Variants in DUXA observed in about 807,000 individuals in gnomAD.
DUXA encodes the protein double homeobox protein A.
A neutral mutation model predicts 27.5 loss-of-function variants in DUXA; 25 were observed. The ratio of observed to expected loss-of-function variants is 0.91; its 90% CI spans 0.66 to 1.27. The LOEUF is 1.27. Ranked by LOEUF, DUXA falls within the 50% of genes most tolerant of loss-of-function variation. The pLI, the probability that DUXA is intolerant of heterozygous loss-of-function variation, is 0.00. For synonymous variants in DUXA, 90 were observed against 80.5 expected, an observed-to-expected ratio of 1.12 and a Z score of -0.63; for missense variants, 247 against 242.9, an observed-to-expected ratio of 1.02 and a Z score of -0.11.
intron 1 of DUXA, among the ~76,000 whole-genome samples, chr19:57,164,292 T>C (rs868328685): frequency 1.3e-5 from 2 of 152,114 alleles, no homozygotes; most frequent in South Asian, 2.1e-4. Flanking sequence ...TTCAAAATCA[T>C]TGGCCGGGCA....
chr19:57,155,673 A>ATAGATAGATAGATAGATAGG (rs1256137436), intron 4 of DUXA, among the ~76,000 whole-genome samples: 5 of 151,454 alleles, frequency 3.3e-5, no homozygotes, highest in African/African-American at 1.2e-4. Flanking sequence ...AGATAGATAG[A>ATAGATAGATAGATAGATAGG]TACTTTTTTT....
intron 4 of DUXA, among the ~76,000 whole-genome samples, chr19:57,156,842 T>A (rs2086995414): frequency 6.6e-6 from 1 of 152,166 alleles, no homozygotes; most frequent in African/African-American, 2.4e-5. Flanking sequence ...ATTTTTGTAT[T>A]TTTAGTAGAG....
chr19:57,165,320 AAAAAATATAT>A (rs201130747), intron 1 of DUXA, among the ~76,000 whole-genome samples: 8,084 of 96,464 alleles, frequency 0.084, 298 homozygotes, highest in East Asian at 0.16. Flanking sequence ...AAAAAAAAAA[AAAAAATATAT>A]ATATATATAT....
chr19:57,154,257 G>A lies in DUXA; in HGVS notation c.*155C>T, dbSNP rs1489161015. 1.6e-6 allele frequency: 1 copy of A among 632,674 alleles called. No homozygotes were observed. The highest frequency in any genetic ancestry group is 2.7e-6 in the Non-Finnish European group (1 of 371,200). 39.2% of individuals were successfully genotyped at this position (632,674 alleles called of 1,614,324 possible). A position where few individuals can be genotyped will look rare whatever the true frequency, so the allele number is the denominator to read the frequency against. ...CCTGCCTTGGCCTCCCAAAGTAGTGGGATTACAAGTGTGACCCACCACATC... is the reference window on the plus strand; with the variant it reads ...CCTGCCTTGGCCTCCCAAAGTAGTGAGATTACAAGTGTGACCCACCACATC... On this transcript the variant is annotated 3_prime_UTR_variant, in exon 6 of 6. Coordinates refer to ENST00000554048, the MANE Select transcript of DUXA (RefSeq NM_001012729.2).
rs1195661724 is a variant in DUXA at position 57,155,377 on chromosome 19, G to A, written c.439-5C>T. On this transcript the variant is annotated splice_polypyrimidine_tract_variant and splice_region_variant and intron_variant, in intron 4 of 5. Coordinates refer to ENST00000554048, the MANE Select transcript of DUXA (RefSeq NM_001012729.2). ...TCTTCGATTTTGGAACCAAATCTAA[G>A]TGGTAAGACAAAGAAACTTAATTTA... 6.2e-7 allele frequency: 1 copy of A among 1,602,298 alleles called. No homozygotes were observed. The highest frequency in any genetic ancestry group is 8.5e-7 in the Non-Finnish European group (1 of 1,169,744).
intron 2 of DUXA, 43 bp from the exon 3 acceptor site, chr19:57,159,321 A>G (rs913463529): frequency 3.8e-6 from 6 of 1,567,426 alleles, no homozygotes; most frequent in Non-Finnish European, 4.4e-6. Context: ...TGTTAATGTC[A>G]TTTAAGCTAC....
chr19:57,155,159 G>T, intron 5 of DUXA, 108 bp downstream of exon 5: 1 of 951,354 alleles, frequency 1.1e-6, no homozygotes, highest in African/African-American at 1.6e-5. Flanking sequence ...GCACTTGAGT[G>T]GGGATATCCT....
Position 57,159,299 on chromosome 19 carries a change from G to A in DUXA, c.181-21C>T, listed in dbSNP as rs762569302. On this transcript the variant is annotated intron_variant, in intron 2 of 5. Coordinates refer to ENST00000554048, the MANE Select transcript of DUXA (RefSeq NM_001012729.2). The stretch of plus-strand genomic sequence containing the variant: ...CAAATCTAAGTGAGGAAAAGAAAAG[G>A]AGAGAATTACGTGTTAATGTCATTT... 27 of 1,605,144 alleles carry A rather than the reference G, an allele frequency of 1.7e-5. No homozygotes were observed. The South Asian group carries it at 1.9e-4, about 11-fold the overall frequency.
intron 1 of DUXA, among the ~76,000 whole-genome samples, chr19:57,161,802 T>C (rs895490175): frequency 8.6e-5 from 13 of 151,902 alleles, no homozygotes; most frequent in African/African-American, 2.7e-4. Flanking sequence ...AAACGAAGAG[T>C]TTGTGATACA....
rs765795814 is a variant in DUXA, at chr19:57,158,487, G to A, written c.293-14C>T. On this transcript the variant is annotated splice_polypyrimidine_tract_variant and intron_variant, in intron 3 of 5. Transcript: ENST00000554048. ...TGGCTTCTCTACCTAGGGAAGGCAT[G>A]GAAAGATGGAGGGGGGCGGTCAAGG... 3.7e-6 allele frequency: 6 copies of A among 1,608,282 alleles called. No homozygotes were observed. In the South Asian group the frequency reaches 6.6e-5, roughly 18 times the overall value.
chr19:57,161,465 TA>T (rs2087022490), intron 1 of DUXA, among the ~76,000 whole-genome samples: 9 of 144,820 alleles, frequency 6.2e-5, no homozygotes, highest in Admixed American at 5.4e-4. Context: ...CTACTAAAAA[TA>T]CAAAAAATTA....
At chr19:57,158,007 A>G (rs1209388279) in intron 4 of DUXA, among the ~76,000 whole-genome samples, 3 of 145,058 alleles carry the variant, frequency 2.1e-5, no homozygotes, top group Non-Finnish European at 3.0e-5. Context: ...AAAAAAAAAA[A>G]GGCTTTAGCC....
intron 1 of DUXA, among the ~76,000 whole-genome samples, chr19:57,166,522 C>G (rs1018693878): frequency 4.6e-5 from 7 of 152,164 alleles, no homozygotes; most frequent in African/African-American, 1.2e-4. Context: ...GTTAGCCAGG[C>G]TGGTCTTGAA....
intron 1 of DUXA, among the ~76,000 whole-genome samples, chr19:57,164,471 A>G (rs2087040752): frequency 6.6e-6 from 1 of 152,166 alleles, no homozygotes; most frequent in South Asian, 2.1e-4. Flanking sequence ...GCAACTTGGG[A>G]GGCTGAGGCG....
At chr19:57,160,588 G>T in intron 2 of DUXA, 55 bp downstream of exon 2, 4 of 1,594,806 alleles carry the variant, frequency 2.5e-6, no homozygotes, top group Non-Finnish European at 3.4e-6. Flanking sequence ...TCCGTTAATG[G>T]TTCTCTCTCC....
chr19:57,167,313 A>C, intron 1 of DUXA, 106 bp downstream of exon 1: 1 of 1,418,968 alleles, frequency 7.0e-7, no homozygotes, highest in Non-Finnish European at 9.9e-7. Context: ...AGATACAGTT[A>C]AAGTTTAAAA....
intron 1 of DUXA, among the ~76,000 whole-genome samples, chr19:57,165,120 A>G (rs2087044724): frequency 6.6e-6 from 1 of 151,932 alleles, no homozygotes; most frequent in Admixed American, 6.6e-5. Context: ...CAAGTGCCCT[A>G]AAATAAATCT....
At chr19:57,161,596 C>T (rs1398856205) in intron 1 of DUXA, among the ~76,000 whole-genome samples, 1 of 150,388 alleles carries the variant, frequency 6.6e-6, no homozygotes, top group Non-Finnish European at 1.5e-5. Flanking sequence ...GCACTCCAGC[C>T]TGGGTGACAG....
chr19:57,161,524 G>A (rs2087023187), intron 1 of DUXA, among the ~76,000 whole-genome samples: 1 of 150,388 alleles, frequency 6.6e-6, no homozygotes, highest in Admixed American at 6.6e-5. Flanking sequence ...TCCGGAGGCT[G>A]AGGCAGGAGA....
Sources: allele counts gnomAD v4.1 joint callset (sites outside exome capture counted in the v4.1 genomes callset), GRCh38; gene constraint gnomAD v4.1.1; transcripts MANE v1.5; gene names NCBI Gene and HGNC (gene_info 2026-07-23, HGNC 2026-07-21).